PABPC4L: variants seen among roughly 807,000 people sequenced by gnomAD.
PABPC4L encodes the protein polyadenylate-binding protein 4-like.
For synonymous variants in PABPC4L, 169 were observed against 164.1 expected, an observed-to-expected ratio of 1.03 and a Z score of -0.23; for missense variants, 452 against 451.4, an observed-to-expected ratio of 1.00 and a Z score of -0.01.
the PABPC4L span, among the ~76,000 whole-genome samples, chr4:134,057,165 A>T: frequency 6.6e-6 from 1 of 152,020 alleles, no homozygotes; most frequent in Non-Finnish European, 1.5e-5. Flanking sequence ...TCATGCTGAC[A>T]TCTTTCTCCT....
At chr4:134,085,587 C>T in the PABPC4L span, among the ~76,000 whole-genome samples, 1 of 152,042 alleles carries the variant, frequency 6.6e-6, no homozygotes, top group Admixed American at 6.6e-5. Flanking sequence ...ATCGTTCTCC[C>T]CTCCAAGAGG....
the PABPC4L span, among the ~76,000 whole-genome samples, chr4:134,155,958 T>C: frequency 1.3e-5 from 2 of 152,118 alleles, no homozygotes; most frequent in East Asian, 1.9e-4. Context: ...TGTTGAATTA[T>C]AGTTTGTCTA....
At chr4:134,054,038 C>T in the PABPC4L span, among the ~76,000 whole-genome samples, 1 of 151,460 alleles carries the variant, frequency 6.6e-6, no homozygotes, top group African/African-American at 2.4e-5. Context: ...ATCTGCAGTA[C>T]ATTTCTACAG....
the PABPC4L span, among the ~76,000 whole-genome samples, chr4:134,004,799 T>C: frequency 6.6e-6 from 1 of 151,898 alleles, no homozygotes; most frequent in Non-Finnish European, 1.5e-5. Flanking sequence ...AAGGAAATCT[T>C]ATTTCCAACA....
At chr4:134,011,788 C>A in the PABPC4L span, among the ~76,000 whole-genome samples, 6 of 152,052 alleles carry the variant, frequency 3.9e-5, no homozygotes, top group African/African-American at 1.2e-4. Flanking sequence ...GCCATAAAAT[C>A]TTGCATATTT....
chr4:134,023,266 A>C, the PABPC4L span, among the ~76,000 whole-genome samples: 1 of 152,208 alleles, frequency 6.6e-6, no homozygotes, highest in East Asian at 1.9e-4. Flanking sequence ...ATGGACTGAA[A>C]TTAAATGCAA....
At chr4:134,167,504 A>T in the PABPC4L span, among the ~76,000 whole-genome samples, 16 of 151,948 alleles carry the variant, frequency 1.1e-4, no homozygotes, top group African/African-American at 3.9e-4. Context: ...TGGTTAAAAG[A>T]AAAACAGGAC....
At chr4:134,114,240 A>T in the PABPC4L span, among the ~76,000 whole-genome samples, 1 of 151,484 alleles carries the variant, frequency 6.6e-6, no homozygotes, top group African/African-American at 2.4e-5. Flanking sequence ...TCACACAGGT[A>T]AAAAAATGTG....
chr4:134,132,519 C>T, the PABPC4L span, among the ~76,000 whole-genome samples: 2 of 151,782 alleles, frequency 1.3e-5, no homozygotes, highest in African/African-American at 4.8e-5. Flanking sequence ...GCAATACCAC[C>T]TCACACTGGC....
the PABPC4L span, among the ~76,000 whole-genome samples, chr4:133,971,505 C>T: frequency 3.9e-5 from 6 of 152,164 alleles, no homozygotes; most frequent in African/African-American, 1.2e-4. Flanking sequence ...GAGCCAGTTT[C>T]GTGTCTAGCA....
At chr4:134,179,026 C>T in the PABPC4L span, among the ~76,000 whole-genome samples, 1 of 152,070 alleles carries the variant, frequency 6.6e-6, no homozygotes. Flanking sequence ...GGCCAACATT[C>T]AAATATTGAG....
chr4:134,079,603 A>AAC, the PABPC4L span, among the ~76,000 whole-genome samples: 1 of 114,580 alleles, frequency 8.7e-6, no homozygotes, highest in African/African-American at 3.4e-5. Flanking sequence ...AAAAAAAAAA[A>AAC]AAAAAAAACT....
At chr4:134,106,529 C>A in the PABPC4L span, among the ~76,000 whole-genome samples, 2 of 151,294 alleles carry the variant, frequency 1.3e-5, no homozygotes, top group Non-Finnish European at 3.0e-5. Flanking sequence ...ATGATATAAT[C>A]ATTTGCTTCA....
the PABPC4L span, among the ~76,000 whole-genome samples, chr4:134,164,262 C>CAAAAAAAAA: frequency 3.2e-4 from 11 of 34,180 alleles, no homozygotes; most frequent in African/African-American, 5.4e-4. Flanking sequence ...GACTCCGTCT[C>CAAAAAAAAA]AAAAAAAAAA....
chr4:134,048,412 A>G, the PABPC4L span, among the ~76,000 whole-genome samples: 18 of 152,250 alleles, frequency 1.2e-4, 1 homozygote, highest in African/African-American at 3.8e-4. Flanking sequence ...ATGTGCTTTC[A>G]TGAGGAATGA....
chr4:134,065,029 C>T, the PABPC4L span, among the ~76,000 whole-genome samples: 10 of 151,976 alleles, frequency 6.6e-5, no homozygotes, highest in African/African-American at 2.4e-4. Flanking sequence ...CACGTTTTTG[C>T]TATTGTGAAT....
the PABPC4L span, among the ~76,000 whole-genome samples, chr4:133,981,393 A>G: frequency 2.0e-5 from 3 of 152,266 alleles, no homozygotes; most frequent in Non-Finnish European, 2.9e-5. Context: ...AAAATGTCGG[A>G]TTTCTGTCTT....
chr4:134,147,742 TG>T, the PABPC4L span, among the ~76,000 whole-genome samples: 2 of 91,464 alleles, frequency 2.2e-5, no homozygotes, highest in Non-Finnish European at 1.9e-5. Context: ...TGTGTGTGTG[TG>T]TGTGTGTGTT....
At chr4:134,152,747 A>G in the PABPC4L span, among the ~76,000 whole-genome samples, 1 of 152,286 alleles carries the variant, frequency 6.6e-6, no homozygotes, top group African/African-American at 2.4e-5. Context: ...ATGTTGCTAT[A>G]AAGAAATATC....
Sources: allele counts gnomAD v4.1 joint callset (sites outside exome capture counted in the v4.1 genomes callset), GRCh38; gene constraint gnomAD v4.1.1; transcripts MANE v1.5; gene names NCBI Gene and HGNC (gene_info 2026-07-23, HGNC 2026-07-21).